The following KCNIP4 variants were observed in gnomAD, a reference collection of about 807,000 sequenced individuals.
The protein encoded by KCNIP4 is potassium voltage-gated channel interacting protein 4.
In KCNIP4, 12 loss-of-function variants were observed where a neutral mutation model predicts 34.0. The observed-to-expected ratio is 0.35, with a 90% CI of 0.23 to 0.57. The LOEUF (loss-of-function observed/expected upper bound fraction) is 0.57. Ranked by LOEUF, KCNIP4 falls within the 20% of genes least tolerant of loss-of-function variation. The probability of loss-of-function intolerance (pLI) is 0.83; values close to 1 mark genes in which losing one functional copy is unlikely to be tolerated. For missense variants in KCNIP4, 238 were observed against 311.7 expected, an observed-to-expected ratio of 0.76 and a Z score of 1.78; for synonymous variants, 124 against 102.2, an observed-to-expected ratio of 1.21 and a Z score of -1.29.
At chr4:21,003,610 A>C (rs528801231) in intron 1 of KCNIP4, among the ~76,000 whole-genome samples, 42 of 152,306 alleles carry the variant, frequency 2.8e-4, no homozygotes, top group African/African-American at 9.6e-4. Flanking sequence ...GGCAAAAGGA[A>C]ATTTAGAACT....
At chr4:21,338,290 CTT>C (rs1179025268) in intron 1 of KCNIP4, among the ~76,000 whole-genome samples, 7 of 123,874 alleles carry the variant, frequency 5.7e-5, no homozygotes, top group South Asian at 2.6e-4. Context: ...AAAAAAAAGA[CTT>C]TGTATTTTTA....
intron 1 of KCNIP4, among the ~76,000 whole-genome samples, chr4:21,200,977 C>A (rs73109422): frequency 0.029 from 4,449 of 152,096 alleles, 207 homozygotes; most frequent in African/African-American, 0.1. Context: ...GAAACTGAGT[C>A]AAAGAGTACT....
intron 1 of KCNIP4, among the ~76,000 whole-genome samples, chr4:21,617,330 G>A (rs962738587): frequency 1.3e-5 from 2 of 152,048 alleles, no homozygotes; most frequent in Admixed American, 1.3e-4. Flanking sequence ...AGAGAAGTGG[G>A]TCATTGTTTC....
chr4:21,489,092 A>G (rs1732153356), intron 1 of KCNIP4, among the ~76,000 whole-genome samples: 2 of 152,144 alleles, frequency 1.3e-5, no homozygotes, highest in Admixed American at 1.3e-4. Context: ...TAGACACAGC[A>G]CAATAGAATG....
intron 1 of KCNIP4, among the ~76,000 whole-genome samples, chr4:21,505,495 T>C (rs1035071772): frequency 6.6e-6 from 1 of 152,202 alleles, no homozygotes; most frequent in Non-Finnish European, 1.5e-5. Context: ...TTACATGACT[T>C]TGTCCAACTG....
intron 1 of KCNIP4, among the ~76,000 whole-genome samples, chr4:21,446,036 C>A (rs550834318): frequency 6.6e-6 from 1 of 152,314 alleles, no homozygotes; most frequent in African/African-American, 2.4e-5. Context: ...CTCATCATCA[C>A]TGGTCATCAG....
intron 1 of KCNIP4, among the ~76,000 whole-genome samples, chr4:21,277,700 A>T (rs1414247265): frequency 6.6e-6 from 1 of 152,234 alleles, no homozygotes; most frequent in Non-Finnish European, 1.5e-5. Context: ...GACTAACAGA[A>T]TTTACAGAAA....
At chr4:21,868,467 C>T (rs113818761) in intron 1 of KCNIP4, among the ~76,000 whole-genome samples, 2,913 of 152,210 alleles carry the variant, frequency 0.019, 87 homozygotes, top group African/African-American at 0.066. Context: ...TGCTACTGAT[C>T]GCTGCTATGA....
intron 1 of KCNIP4, among the ~76,000 whole-genome samples, chr4:21,519,663 T>TGTGTGTATGTGTATATAC (rs1560480531): frequency 1.7e-5 from 2 of 118,426 alleles, no homozygotes; most frequent in African/African-American, 6.7e-5. Context: ...TGTGTATATA[T>TGTGTGTATGTGTATATAC]ACACGTGTGT....
intron 1 of KCNIP4, among the ~76,000 whole-genome samples, chr4:20,901,695 G>A (rs544725960): frequency 6.6e-6 from 1 of 152,192 alleles, no homozygotes; most frequent in Non-Finnish European, 1.5e-5. Context: ...TTACTGTGTG[G>A]CCTTGGGAAC....
At chr4:21,020,193 T>C (rs1739915000) in intron 1 of KCNIP4, among the ~76,000 whole-genome samples, 1 of 152,190 alleles carries the variant, frequency 6.6e-6, no homozygotes, top group Non-Finnish European at 1.5e-5. Flanking sequence ...GTTCAGAATG[T>C]ACTGCTTCTA....
intron 1 of KCNIP4, among the ~76,000 whole-genome samples, chr4:21,072,212 C>T (rs1477378842): frequency 1.3e-5 from 2 of 152,122 alleles, no homozygotes; most frequent in African/African-American, 2.4e-5. Flanking sequence ...CTTGAGGAAT[C>T]GCCACACTGT....
At chr4:21,824,721 T>A (rs1398396338) in intron 1 of KCNIP4, among the ~76,000 whole-genome samples, 3 of 152,138 alleles carry the variant, frequency 2.0e-5, no homozygotes, top group Non-Finnish European at 4.4e-5. Context: ...AATTAAACTA[T>A]TTTTCTATTC....
intron 1 of KCNIP4, among the ~76,000 whole-genome samples, chr4:21,318,925 A>G (rs1229088457): frequency 3.3e-5 from 5 of 152,192 alleles, no homozygotes; most frequent in Non-Finnish European, 7.3e-5. Flanking sequence ...AAAAAAACTC[A>G]ACATAATCCC....
chr4:20,856,581 A>C, intron 2 of KCNIP4, among the ~76,000 whole-genome samples: 1 of 152,184 alleles, frequency 6.6e-6, no homozygotes, highest in South Asian at 2.1e-4. Flanking sequence ...CCTAACAGGA[A>C]GTCTGATACT....
chr4:21,247,946 T>TAC (rs1324039534), intron 1 of KCNIP4, among the ~76,000 whole-genome samples: 2 of 132,844 alleles, frequency 1.5e-5, no homozygotes, highest in African/African-American at 3.0e-5. Context: ...CATATATATA[T>TAC]ACACACACAT....
chr4:21,073,255 A>G (rs1322704735), intron 1 of KCNIP4, among the ~76,000 whole-genome samples: 1 of 152,068 alleles, frequency 6.6e-6, no homozygotes, highest in Non-Finnish European at 1.5e-5. Context: ...CATTTTCATG[A>G]TATTGATTCT....
At chr4:21,440,296 G>A (rs1200046394) in intron 1 of KCNIP4, among the ~76,000 whole-genome samples, 1 of 152,184 alleles carries the variant, frequency 6.6e-6, no homozygotes, top group Non-Finnish European at 1.5e-5. Flanking sequence ...ACTGTAATGA[G>A]AATAACCTTC....
chr4:21,108,323 C>T (rs1748784433), intron 1 of KCNIP4, among the ~76,000 whole-genome samples: 1 of 147,142 alleles, frequency 6.8e-6, no homozygotes, highest in African/African-American at 2.6e-5. Flanking sequence ...CTCTAAACTT[C>T]CCTTCTCGCT....
Sources: gnomAD v4.1 joint callset for allele counts (sites outside exome capture counted in the v4.1 genomes callset) on GRCh38, gnomAD v4.1.1 for gene constraint, MANE v1.5 for transcripts, NCBI Gene and HGNC (gene_info 2026-07-23, HGNC 2026-07-21) for gene names.